AK5: variants seen among roughly 807,000 people sequenced by gnomAD.
AK5 encodes adenylate kinase isoenzyme 5.
Under a neutral mutation model 69.5 loss-of-function variants are expected in AK5, and 27 were observed. The observed-to-expected ratio is 0.39, with a 90% CI of 0.29 to 0.54. AK5 has a LOEUF of 0.54. Ranked by LOEUF, AK5 falls within the 20% of genes least tolerant of loss-of-function variation. The pLI is 0.71. For missense variants in AK5, 531 were observed against 700.4 expected, an observed-to-expected ratio of 0.76 and a Z score of 2.73; for synonymous variants, 260 against 244.4, an observed-to-expected ratio of 1.06 and a Z score of -0.60.
chr1:77,480,154 G>A (rs1437983890), intron 8 of AK5, among the ~76,000 whole-genome samples: 3 of 98,344 alleles, frequency 3.1e-5, no homozygotes, highest in East Asian at 7.7e-4. Context: ...GTGTGTGTGT[G>A]TGTAAGATGC....
intron 6 of AK5, among the ~76,000 whole-genome samples, chr1:77,405,048 G>T (rs1225223044): frequency 6.6e-6 from 1 of 152,160 alleles, no homozygotes; most frequent in Non-Finnish European, 1.5e-5. Context: ...AAAAAAATGT[G>T]TATGTGTTTG....
At chr1:77,464,493 CTTGAG>C (rs1361844982) in intron 8 of AK5, among the ~76,000 whole-genome samples, 1 of 152,144 alleles carries the variant, frequency 6.6e-6, no homozygotes, top group Non-Finnish European at 1.5e-5. Context: ...AGAAGAGTGA[CTTGAG>C]TTCAGTCTTA....
At chr1:77,493,895 C>T (rs1208121993) in intron 10 of AK5, among the ~76,000 whole-genome samples, 1 of 152,200 alleles carries the variant, frequency 6.6e-6, no homozygotes, top group Non-Finnish European at 1.5e-5. Flanking sequence ...ATGATACAAA[C>T]CTTTTCACTG....
At chr1:77,400,279 A>T (rs1257711794) in intron 6 of AK5, among the ~76,000 whole-genome samples, 1 of 152,156 alleles carries the variant, frequency 6.6e-6, no homozygotes, top group Non-Finnish European at 1.5e-5. Flanking sequence ...ACAGATGTGG[A>T]TTTGGATCCT....
At chr1:77,482,952 T>TTGAAG (rs1419081034) in intron 8 of AK5, among the ~76,000 whole-genome samples, 6 of 131,048 alleles carry the variant, frequency 4.6e-5, no homozygotes, top group Non-Finnish European at 7.7e-5. Flanking sequence ...TTTTGTCTTC[T>TTGAAG]TGAAGTCAGC....
intron 6 of AK5, among the ~76,000 whole-genome samples, chr1:77,367,645 TTATA>T (rs1204447838): frequency 1.5e-5 from 1 of 65,356 alleles, no homozygotes; most frequent in South Asian, 3.8e-4. Context: ...ATATGTTATG[TTATA>T]TATGTTATAT....
intron 10 of AK5, among the ~76,000 whole-genome samples, chr1:77,507,356 A>G (rs1198656514): frequency 6.6e-6 from 1 of 152,246 alleles, no homozygotes; most frequent in Non-Finnish European, 1.5e-5. Context: ...TGGTTTCTTC[A>G]TCTTGTTATA....
chr1:77,513,642 C>T (rs2647495), intron 10 of AK5, among the ~76,000 whole-genome samples: 3,429 of 152,300 alleles, frequency 0.023, 102 homozygotes, highest in African/African-American at 0.079. Flanking sequence ...GAGTTCGAGA[C>T]CAGCCTGGTC....
chr1:77,504,923 T>C (rs1431392564), intron 10 of AK5, among the ~76,000 whole-genome samples: 1 of 152,254 alleles, frequency 6.6e-6, no homozygotes, highest in Non-Finnish European at 1.5e-5. Context: ...GTTGTCATAA[T>C]ACATTATTTT....
intron 6 of AK5, among the ~76,000 whole-genome samples, chr1:77,381,053 A>G (rs776996073): frequency 2.0e-4 from 30 of 152,212 alleles, no homozygotes; most frequent in Non-Finnish European, 3.7e-4. Context: ...TAAGCAAAAG[A>G]TTCATTTTAG....
chr1:77,387,408 T>C (rs549878476), intron 6 of AK5, among the ~76,000 whole-genome samples: 11 of 152,294 alleles, frequency 7.2e-5, no homozygotes, highest in African/African-American at 2.2e-4. Flanking sequence ...ACCCTAATTG[T>C]CACTGTAAAT....
chr1:77,549,659 T>G (rs1359294038), intron 13 of AK5, among the ~76,000 whole-genome samples: 1 of 152,184 alleles, frequency 6.6e-6, no homozygotes, highest in Non-Finnish European at 1.5e-5. Flanking sequence ...TTCAATTGCT[T>G]TAATATTTAG....
chr1:77,480,637 C>T (rs1655196328), intron 8 of AK5, among the ~76,000 whole-genome samples: 1 of 152,098 alleles, frequency 6.6e-6, no homozygotes, highest in South Asian at 2.1e-4. Context: ...TCCATGGTTT[C>T]CTCTCAACAT....
intron 1 of AK5, chr1:77,282,591 G>C (rs1658123336): frequency 7.5e-7 from 1 of 1,331,822 alleles, no homozygotes; most frequent in African/African-American, 1.5e-5. Context: ...GCATCTCACA[G>C]ATCAAGTTTC....
chr1:77,294,711 A>G (rs1025689936), intron 3 of AK5, among the ~76,000 whole-genome samples: 9 of 152,138 alleles, frequency 5.9e-5, no homozygotes, highest in African/African-American at 1.7e-4. Context: ...TATGTTAAAT[A>G]TGGAATTATC....
rs769414046 is a variant in AK5 at position 77,296,496 on chromosome 1, CA to C, written c.416-1057del. Among the ~76,000 whole-genome samples the C allele has an allele frequency of 3.6e-4, 54 of 152,010 alleles. No homozygotes were observed. The East Asian group carries it at 5.6e-3, about 16-fold the overall frequency. ...GTCTACTATTGCCTCCATTAGTTGA[CA>C]AAAAATTTTTTTTCTTGAAAGTACA... On this transcript the variant is annotated intron_variant, in intron 3 of 13. Transcript: ENST00000354567.
chr1:77,427,228 A>G (rs978976788), intron 8 of AK5, among the ~76,000 whole-genome samples: 2 of 152,106 alleles, frequency 1.3e-5, no homozygotes, highest in Non-Finnish European at 2.9e-5. Context: ...GATCTTTGAA[A>G]AGATCCATAA....
chr1:77,394,455 C>T (rs1648698185), intron 6 of AK5, among the ~76,000 whole-genome samples: 1 of 152,104 alleles, frequency 6.6e-6, no homozygotes, highest in Admixed American at 6.5e-5. Flanking sequence ...ACCAGTTAAT[C>T]CTTCTTTCTC....
chr1:77,521,065 C>T (rs1370647956), intron 11 of AK5, among the ~76,000 whole-genome samples: 1 of 152,086 alleles, frequency 6.6e-6, no homozygotes. Context: ...TTTACATCTA[C>T]CTAAAGTCTT....
Sources: allele counts gnomAD v4.1 joint callset (sites outside exome capture counted in the v4.1 genomes callset), GRCh38; gene constraint gnomAD v4.1.1; transcripts MANE v1.5; gene names NCBI Gene and HGNC (gene_info 2026-07-23, HGNC 2026-07-21).